The following HHAT variants were observed in gnomAD, a reference collection of about 807,000 sequenced individuals.
HHAT encodes the protein hedgehog acyltransferase.
In HHAT, 47 loss-of-function variants were observed where a neutral mutation model predicts 70.8. The observed-to-expected ratio is 0.66, with a 90% CI of 0.53 to 0.85. The LOEUF is 0.85. Ranked by LOEUF, HHAT falls within the 40% of genes least tolerant of loss-of-function variation. The probability of loss-of-function intolerance (pLI) is 0.00; values close to 1 mark genes in which losing one functional copy is unlikely to be tolerated. For missense variants in HHAT, 609 were observed against 604.8 expected (o/e 1.01, Z -0.07); for synonymous variants, 228 against 247.6 (o/e 0.92, Z 0.74).
At chr1:210,457,562 G>T (rs1261046527) in intron 7 of HHAT, among the ~76,000 whole-genome samples, 2 of 152,124 alleles carry the variant, frequency 1.3e-5, no homozygotes, top group Non-Finnish European at 2.9e-5. Flanking sequence ...GCCAGTGCCT[G>T]ACACACACGA....
intron 8 of HHAT, 115 bp downstream of exon 8, chr1:210,464,770 A>T: frequency 9.6e-7 from 1 of 1,037,486 alleles, no homozygotes; most frequent in Non-Finnish European, 1.4e-6. Flanking sequence ...CTCAAGCTGC[A>T]TTTGGCATCC....
At chr1:210,554,602 AGGAGGCGG>A (rs1335699321) in intron 9 of HHAT, among the ~76,000 whole-genome samples, 1 of 152,160 alleles carries the variant, frequency 6.6e-6, no homozygotes, top group Admixed American at 6.5e-5. Context: ...TATACTAGCG[AGGAGGCGG>A]GGAGGTTTCA....
chr1:210,605,927 G>C (rs568651647), intron 10 of HHAT, among the ~76,000 whole-genome samples: 1 of 151,902 alleles, frequency 6.6e-6, no homozygotes, highest in African/African-American at 2.4e-5. Flanking sequence ...CTTGATCTTG[G>C]CTCACTGCAA....
chr1:210,578,904 A>G (rs982345783), intron 9 of HHAT, among the ~76,000 whole-genome samples: 4 of 152,212 alleles, frequency 2.6e-5, no homozygotes, highest in African/African-American at 9.6e-5. Flanking sequence ...CATGGAATCA[A>G]CCTAAAAGCC....
At chr1:210,518,299 T>A (rs2095094346) in intron 9 of HHAT, among the ~76,000 whole-genome samples, 1 of 152,158 alleles carries the variant, frequency 6.6e-6, no homozygotes, top group Non-Finnish European at 1.5e-5. Context: ...GTGTTATGAA[T>A]TTTTTTAAGC....
intron 3 of HHAT, among the ~76,000 whole-genome samples, chr1:210,373,659 G>A (rs938575507): frequency 6.6e-5 from 10 of 152,186 alleles, no homozygotes; most frequent in African/African-American, 2.4e-4. Flanking sequence ...GCATGTGTAC[G>A]TTTATTAAAC....
At chr1:210,383,632 G>C (rs2090824951) in intron 3 of HHAT, among the ~76,000 whole-genome samples, 1 of 152,080 alleles carries the variant, frequency 6.6e-6, no homozygotes, top group African/African-American at 2.4e-5. Context: ...TATAAACCAT[G>C]GACTTTGGGG....
intron 8 of HHAT, among the ~76,000 whole-genome samples, chr1:210,486,757 A>G (rs938524551): frequency 3.3e-5 from 5 of 152,200 alleles, no homozygotes; most frequent in African/African-American, 1.2e-4. Flanking sequence ...AATCAAGAGC[A>G]TTCATCTCAG....
intron 7 of HHAT, among the ~76,000 whole-genome samples, chr1:210,441,839 TACAC>T (rs202140291): frequency 1.9e-4 from 29 of 151,380 alleles, no homozygotes; most frequent in African/African-American, 5.1e-4. Flanking sequence ...CACACATATA[TACAC>T]ACACACACAC....
rs1471251995 is a variant in HHAT, at chr1:210,334,181, T to TTTTTTTTTTTTTTTTTTTTTTTTTTTTG, written c.-44+5094_-44+5095insTTTTTTTTTTGTTTTTTTTTTTTTTTTT. The stretch of plus-strand genomic sequence containing the variant: ...TTGCTGGCCACTTTAGCGTGTCATT[T>TTTTTTTTTTTTTTTTTTTTTTTTTTTTG]TTTTTTTTTTTTTTTTTGAGAAAGG... On this transcript the variant is annotated intron_variant, in intron 1 of 11. Transcript: ENST00000261458. Among the ~76,000 whole-genome samples the TTTTTTTTTTTTTTTTTTTTTTTTTTTTG allele has an allele frequency of 1.5e-5, 2 of 130,966 alleles. 1 individual carries two copies. Among genetic ancestry groups the TTTTTTTTTTTTTTTTTTTTTTTTTTTTG allele is most frequent in the Admixed American group, 1.6e-4 (2 of 12,414 alleles). 85.9% of individuals were successfully genotyped at this position (130,966 alleles called of 152,430 possible).
intron 11 of HHAT, among the ~76,000 whole-genome samples, chr1:210,659,504 TACCA>T (rs1677181916): frequency 6.6e-6 from 1 of 152,180 alleles, no homozygotes; most frequent in South Asian, 2.1e-4. Context: ...AAGGAGCTGG[TACCA>T]TTCCTTCTGA....
chr1:210,369,102 A>AT (rs2089303861), intron 3 of HHAT, among the ~76,000 whole-genome samples: 1 of 152,140 alleles, frequency 6.6e-6, no homozygotes, highest in African/African-American at 2.4e-5. Flanking sequence ...AAAAAAAAAA[A>AT]GAATTGCTGA....
At chr1:210,542,837 A>G (rs2095444380) in intron 9 of HHAT, among the ~76,000 whole-genome samples, 1 of 152,172 alleles carries the variant, frequency 6.6e-6, no homozygotes, top group Non-Finnish European at 1.5e-5. Context: ...CTTAAATCAT[A>G]TTAAGTATAC....
At chr1:210,374,314 T>TA (rs577342743) in intron 3 of HHAT, 6 of 152,360 alleles carry the variant, frequency 3.9e-5, no homozygotes, top group Admixed American at 3.9e-4. Context: ...CCGCAACTCC[T>TA]AGTACGCCGA....
intron 8 of HHAT, among the ~76,000 whole-genome samples, chr1:210,512,339 C>A (rs1041062537): frequency 2.0e-5 from 3 of 152,108 alleles, no homozygotes; most frequent in Non-Finnish European, 4.4e-5. Flanking sequence ...CCCCACCCCC[C>A]CTCACCTGCT....
At position 210,497,256 on chromosome 1, in the gene HHAT, C is replaced by T. The variant is rs12059115; in HGVS notation, c.1008-15897C>T. 2.6e-4 allele frequency among the ~76,000 whole-genome samples: 39 copies of T among 152,236 alleles called. No individual in the cohort carries two copies. The East Asian group carries it at 5.4e-3, about 21-fold the overall frequency. On this transcript the variant is annotated intron_variant, in intron 8 of 11. Coordinates refer to ENST00000261458, the MANE Select transcript of HHAT (RefSeq NM_018194.6). ...TGTGTAATATAATTTGATATATTCCCTGGTGTGAAAACAAATCTGTTTTAG... is the reference window on the plus strand; with the variant it reads ...TGTGTAATATAATTTGATATATTCCTTGGTGTGAAAACAAATCTGTTTTAG...
chr1:210,640,860 A>G (rs1488778449), intron 11 of HHAT, among the ~76,000 whole-genome samples: 5 of 152,224 alleles, frequency 3.3e-5, no homozygotes, highest in African/African-American at 9.6e-5. Context: ...TATTTGCATT[A>G]TAGTCCTATG....
chr1:210,398,215 C>G (rs2076516), intron 4 of HHAT, among the ~76,000 whole-genome samples: 94,104 of 152,082 alleles, frequency 0.62, 29,459 homozygotes, highest in African/African-American at 0.69. Flanking sequence ...ATATATACAA[C>G]AGTTTCGTGT....
At chr1:210,580,559 A>G (rs951462379) in intron 9 of HHAT, among the ~76,000 whole-genome samples, 1 of 133,684 alleles carries the variant, frequency 7.5e-6, no homozygotes. Context: ...CTCATTGTTC[A>G]ATTCCCACTT....
Sources: gnomAD v4.1 joint callset for allele counts (sites outside exome capture counted in the v4.1 genomes callset) on GRCh38, gnomAD v4.1.1 for gene constraint, MANE v1.5 for transcripts, NCBI Gene and HGNC (gene_info 2026-07-23, HGNC 2026-07-21) for gene names.